CPA6: variants seen among roughly 807,000 people sequenced by gnomAD.
CPA6 encodes the protein carboxypeptidase B.
CPA6 carries 58 observed loss-of-function variants against 63.3 expected under a neutral mutation model. The ratio of observed to expected loss-of-function variants is 0.92; its 90% CI spans 0.74 to 1.14. The LOEUF is 1.14. CPA6 is among the 50% of genes most tolerant of loss of function. The pLI, the probability that CPA6 is intolerant of heterozygous loss-of-function variation, is 0.00. For synonymous variants in CPA6, 185 were observed against 179.0 expected, an observed-to-expected ratio of 1.03 and a Z score of -0.27; for missense variants, 565 against 526.6, an observed-to-expected ratio of 1.07 and a Z score of -0.71.
chr8:67,621,451 G>A (rs1042155136), intron 2 of CPA6, among the ~76,000 whole-genome samples: 3 of 152,166 alleles, frequency 2.0e-5, no homozygotes, highest in African/African-American at 7.2e-5. Context: ...CCTCTCCATT[G>A]TGAGGAAAAT....
chr8:67,469,706 C>T (rs1481122841), intron 8 of CPA6, among the ~76,000 whole-genome samples: 1 of 152,224 alleles, frequency 6.6e-6, no homozygotes, highest in Non-Finnish European at 1.5e-5. Flanking sequence ...TGGGCACATC[C>T]CTGGGTTTCC....
intron 1 of CPA6, among the ~76,000 whole-genome samples, chr8:67,716,178 GGAGA>G (rs918678793): frequency 2.2e-5 from 3 of 136,754 alleles, no homozygotes; most frequent in Admixed American, 2.2e-4. Context: ...AAAAAAAAAA[GGAGA>G]GAGAGAAGTG....
intron 1 of CPA6, among the ~76,000 whole-genome samples, chr8:67,675,437 C>T (rs1333704758): frequency 6.6e-6 from 1 of 152,136 alleles, no homozygotes; most frequent in Non-Finnish European, 1.5e-5. Flanking sequence ...CAATCCCCCA[C>T]AATTTATGTC....
At chr8:67,578,142 T>C (rs1358193273) in intron 2 of CPA6, among the ~76,000 whole-genome samples, 1 of 152,214 alleles carries the variant, frequency 6.6e-6, no homozygotes, top group South Asian at 2.1e-4. Context: ...ATGTCAGATT[T>C]TGCCCCGGAC....
In CPA6 at chr8:67,511,576, C is replaced by G. The variant is rs746521547; in HGVS notation, c.397G>C (p.Gly133Arg). Residue 133 changes from glycine (G) to arginine (R), a missense_variant, in exon 4 of 11, where the codon GGA (glycine) becomes CGA (arginine). By Grantham distance (125) the Gly-to-Arg change is moderately radical. Coordinates refer to ENST00000297770, the MANE Select transcript of CPA6 (RefSeq NM_020361.5). ...HTQRNRRSLS[G>R]YNYEVYHSLE... ...GAGTGATAAACTTCATAATTATATC[C>G]AGAGAGGGATCTTCGGTTTCTCTGG... The G allele has an allele frequency of 4.2e-5, 68 of 1,610,554 alleles. No individual in the cohort carries two copies. The highest frequency in any genetic ancestry group is 5.5e-5 in the Non-Finnish European group (65 of 1,177,126).
rs149505890 is a variant in CPA6, at chr8:67,527,346, A to G, written c.193-9299T>C. Among the ~76,000 whole-genome samples the G allele has an allele frequency of 5.3e-3, 809 of 152,320 alleles. 9 individuals carry two copies. Among genetic ancestry groups the G allele is most frequent in the African/African-American group, 0.018 (765 of 41,562 alleles). On this transcript the variant is annotated intron_variant, in intron 2 of 10. Coordinates refer to ENST00000297770, the MANE Select transcript of CPA6 (RefSeq NM_020361.5). ...TTTTGTTATGCATTTCCTCTTTCAG[A>G]TGTCGGCTTAAGAATTCTTCTGTGT...
At chr8:67,589,098 AC>A (rs2128980403) in intron 2 of CPA6, among the ~76,000 whole-genome samples, 1 of 151,548 alleles carries the variant, frequency 6.6e-6, no homozygotes, top group South Asian at 2.1e-4. Flanking sequence ...GGCATGGGTG[AC>A]AGAGCAAGAC....
chr8:67,467,711 C>CTT (rs2128958212), intron 8 of CPA6, among the ~76,000 whole-genome samples: 1 of 152,064 alleles, frequency 6.6e-6, no homozygotes. Context: ...GCTTTAAAAC[C>CTT]TGTAAGGGCG....
At chr8:67,453,134 G>C (rs1421361437) in intron 8 of CPA6, among the ~76,000 whole-genome samples, 2 of 152,110 alleles carry the variant, frequency 1.3e-5, no homozygotes, top group Admixed American at 1.3e-4. Flanking sequence ...TGGCAGGGGG[G>C]CAAGGGTAGC....
chr8:67,573,322 A>G (rs1813533901), intron 2 of CPA6, among the ~76,000 whole-genome samples: 2 of 152,236 alleles, frequency 1.3e-5, no homozygotes, highest in Admixed American at 1.3e-4. Flanking sequence ...AGGAAAGAAG[A>G]AGTTAAATTG....
chr8:67,559,399 A>G (rs936855617), intron 2 of CPA6, among the ~76,000 whole-genome samples: 6 of 152,060 alleles, frequency 3.9e-5, no homozygotes, highest in Admixed American at 3.9e-4. Flanking sequence ...AAAGTCCCAG[A>G]CAAGTCTTAT....
At chr8:67,578,638 G>A (rs1233275275) in intron 2 of CPA6, among the ~76,000 whole-genome samples, 1 of 152,112 alleles carries the variant, frequency 6.6e-6, no homozygotes, top group Non-Finnish European at 1.5e-5. Flanking sequence ...TTACTATAAT[G>A]AGTTTTGAAG....
At chr8:67,542,883 G>GT (rs1480718647) in intron 2 of CPA6, among the ~76,000 whole-genome samples, 2 of 152,142 alleles carry the variant, frequency 1.3e-5, no homozygotes, top group Non-Finnish European at 2.9e-5. Context: ...TATTGTCCTT[G>GT]TTTCTACAAA....
At chr8:67,538,387 T>G (rs989172492) in intron 2 of CPA6, among the ~76,000 whole-genome samples, 5 of 152,186 alleles carry the variant, frequency 3.3e-5, no homozygotes, top group Admixed American at 2.0e-4. Context: ...GGTGCATATA[T>G]ATTTAGGATA....
At chr8:67,491,573 T>C (rs780405684) in intron 6 of CPA6, among the ~76,000 whole-genome samples, 5 of 152,178 alleles carry the variant, frequency 3.3e-5, no homozygotes, top group Non-Finnish European at 5.9e-5. Flanking sequence ...ACATGTCTAT[T>C]CTTTTTCCTA....
rs572593979 is a variant in CPA6, at chr8:67,508,985, A to G, written c.534+532T>C. 8.7e-4 allele frequency among the ~76,000 whole-genome samples: 132 copies of G among 152,262 alleles called. 1 individual carries two copies. Among genetic ancestry groups the G allele is most frequent in the African/African-American group, 3.1e-3 (128 of 41,558 alleles). ...GGGAGGCCTCAGGAAACTTAGAGTCATGGCAGAAGGAGGAGAGGAAGGAGG... is the reference window on the plus strand; with the variant it reads ...GGGAGGCCTCAGGAAACTTAGAGTCGTGGCAGAAGGAGGAGAGGAAGGAGG... On this transcript the variant is annotated intron_variant, in intron 5 of 10. Transcript: ENST00000297770.
chr8:67,654,004 T>G (rs996815325), intron 1 of CPA6, among the ~76,000 whole-genome samples: 2 of 151,982 alleles, frequency 1.3e-5, no homozygotes, highest in African/African-American at 2.4e-5. Flanking sequence ...GATAATCATG[T>G]GGTTTTTGTC....
intron 2 of CPA6, among the ~76,000 whole-genome samples, chr8:67,546,240 G>A (rs772571652): frequency 2.0e-5 from 3 of 152,170 alleles, no homozygotes; most frequent in Non-Finnish European, 4.4e-5. Context: ...GCAATTGTAG[G>A]AACCTGAAGC....
At chr8:67,497,574 T>C (rs1405442837) in intron 6 of CPA6, among the ~76,000 whole-genome samples, 3 of 152,238 alleles carry the variant, frequency 2.0e-5, no homozygotes, top group Non-Finnish European at 4.4e-5. Flanking sequence ...GGATATGCTT[T>C]CAGTTCTCTT....
Sources: allele counts gnomAD v4.1 joint callset (sites outside exome capture counted in the v4.1 genomes callset), GRCh38; gene constraint gnomAD v4.1.1; transcripts MANE v1.5; gene names NCBI Gene and HGNC (gene_info 2026-07-23, HGNC 2026-07-21).